The following PVALEF variants were observed in gnomAD, a reference collection of about 807,000 sequenced individuals.
The protein encoded by PVALEF is parvalbumin like EF-hand containing, also known as parvalbumin-like EF-hand-containing protein.
PVALEF carries 2 observed loss-of-function variants against 1.2 expected under a neutral mutation model. The observed-to-expected ratio is 1.68, with a 90% confidence interval of 0.69 to 5.28. The LOEUF (loss-of-function observed/expected upper bound fraction) is 5.28, where lower values mean the gene tolerates loss of function less well. PVALEF is among the 30% of genes most tolerant of loss of function. The pLI, the probability that PVALEF is intolerant of heterozygous loss-of-function variation, is 0.06. For missense variants in PVALEF, 35 were observed against 17.7 expected, an observed-to-expected ratio of 1.97 and a Z score of -1.75; for synonymous variants, 16 against 6.5, an observed-to-expected ratio of 2.47 and a Z score of -2.24.
intron 1 of PVALEF, 59 bp from the exon 2 acceptor site, chr17:81,166,618 A>G: frequency 2.3e-6 from 1 of 443,572 alleles, no homozygotes; most frequent in East Asian, 7.1e-5. Context: ...CAGGTGGGGG[A>G]ACCCGGGAGC....
At chr17:81,175,816 T>C (rs1224444573) in intron 2 of PVALEF, among the ~76,000 whole-genome samples, 2 of 152,108 alleles carry the variant, frequency 1.3e-5, no homozygotes, top group African/African-American at 2.4e-5. Context: ...ATGTAAAACA[T>C]GAAACTCTTA....
chr17:81,181,467 AC>A (rs2061553950), intron 4 of PVALEF, 91 bp from the exon 5 acceptor site: 1 of 502,872 alleles, frequency 2.0e-6, no homozygotes, highest in Non-Finnish European at 3.5e-6. Flanking sequence ...GGGGTGCAGG[AC>A]CCGGCAGCCC....
At chr17:81,178,452 GCCCTCC>G (rs1417569943) in intron 2 of PVALEF, among the ~76,000 whole-genome samples, 1 of 152,174 alleles carries the variant, frequency 6.6e-6, no homozygotes, top group East Asian at 1.9e-4. Flanking sequence ...GATCACCTTG[GCCCTCC>G]CTGCTCACCA....
At chr17:81,182,130 A>C (rs1200901026) in intron 6 of PVALEF, 49 bp downstream of exon 6, 1 of 398,492 alleles carries the variant, frequency 2.5e-6, no homozygotes, top group Non-Finnish European at 4.4e-6. Context: ...TTCCCCTGCT[A>C]GGCCGCCACC....
At chr17:81,168,678 A>G (rs2061507741) in intron 2 of PVALEF, among the ~76,000 whole-genome samples, 1 of 152,192 alleles carries the variant, frequency 6.6e-6, no homozygotes, top group South Asian at 2.1e-4. Context: ...CGAGGAGCCC[A>G]GATTGGCTGG....
chr17:81,166,320 G>T, intron 1 of PVALEF, among the ~76,000 whole-genome samples: 1 of 89,802 alleles, frequency 1.1e-5, no homozygotes, highest in Non-Finnish European at 2.4e-5. Flanking sequence ...GGGACACGGA[G>T]GGGGAGACAG....
intron 1 of PVALEF, chr17:81,166,015 C>T (rs2061486658): frequency 6.5e-6 from 10 of 1,542,022 alleles, no homozygotes; most frequent in Non-Finnish European, 8.7e-6. Context: ...GGCCGGCGGG[C>T]ATCCCGGGAG....
At chr17:81,173,902 C>G (rs116964933) in intron 2 of PVALEF, among the ~76,000 whole-genome samples, 271 of 152,228 alleles carry the variant, frequency 1.8e-3, no homozygotes, top group Middle Eastern at 3.4e-3. Context: ...AAATCCTCAG[C>G]CAAATGCTGG....
At chr17:81,174,130 G>C (rs2061529191) in intron 2 of PVALEF, among the ~76,000 whole-genome samples, 1 of 152,076 alleles carries the variant, frequency 6.6e-6, no homozygotes, top group African/African-American at 2.4e-5. Context: ...TGAACAGAAG[G>C]AAACTACCTC....
chr17:81,181,211 T>G lies in PVALEF; in HGVS notation c.-16T>G, dbSNP rs748822636. 1.4e-6 allele frequency: 1 copy of G among 703,040 alleles called. No homozygotes were observed. Among genetic ancestry groups the G allele is most frequent in the South Asian group, 1.5e-5 (1 of 67,448 alleles). 43.6% of individuals were successfully genotyped at this position (703,040 alleles called of 1,614,324 possible). Reference sequence around the variant, plus strand: ...GTGCACCCCACGAATTGACTCCCTATCCACCCAGGACCAGGATGGAGGAGG... The same window carrying G: ...GTGCACCCCACGAATTGACTCCCTAGCCACCCAGGACCAGGATGGAGGAGG... On this transcript the variant is annotated 5_prime_UTR_variant, in exon 4 of 7. Transcript: ENST00000637878.
At position 81,165,757 on chromosome 17, in the gene PVALEF, G is replaced by A; in HGVS notation, c.-508+10G>A. On this transcript the variant is annotated intron_variant, in intron 1 of 6. Transcript: ENST00000637878. ...CCACAGGCGGAGGCCGGTTTGTGCT[G>A]GGGCCCAGGGCCTGCCCCTCCGAGA... The A allele has an allele frequency of 1.3e-6, 2 of 1,522,434 alleles. No homozygotes were observed. Among genetic ancestry groups the A allele is most frequent in the Non-Finnish European group, 8.8e-7 (1 of 1,133,982 alleles). 94.3% of individuals were successfully genotyped at this position (1,522,434 alleles called of 1,614,324 possible).
chr17:81,175,552 A>C (rs2061533695), intron 2 of PVALEF, among the ~76,000 whole-genome samples: 1 of 152,238 alleles, frequency 6.6e-6, no homozygotes, highest in South Asian at 2.1e-4. Context: ...AAAGCTACAG[A>C]AATCAAAATG....
At position 81,169,403 on chromosome 17, in the gene PVALEF, G is replaced by T. The variant is rs143867118; in HGVS notation, c.-340+2559G>T. ...CCGCGAGGTCAGGAGTTCGAGACCAGCCTGGCCAACATGGTGAAGCCCCGT... is the reference window on the plus strand; with the variant it reads ...CCGCGAGGTCAGGAGTTCGAGACCATCCTGGCCAACATGGTGAAGCCCCGT... On this transcript the variant is annotated intron_variant, in intron 2 of 6. Transcript: ENST00000637878. Among the ~76,000 whole-genome samples, 174 of 152,050 alleles carry T rather than the reference G, an allele frequency of 1.1e-3. 2 individuals carry two copies. The East Asian group carries it at 0.026, about 22-fold the overall frequency.
At chr17:81,165,885 C>A in intron 1 of PVALEF, 138 bp downstream of exon 1, 1 of 1,550,320 alleles carries the variant, frequency 6.5e-7, no homozygotes, top group African/African-American at 1.4e-5. Context: ...AGGGGCATCA[C>A]GTCCGCAGCG....
chr17:81,173,854 A>C (rs1306088903), intron 2 of PVALEF, among the ~76,000 whole-genome samples: 2 of 152,230 alleles, frequency 1.3e-5, no homozygotes, highest in East Asian at 3.8e-4. Context: ...CAAGGAAAGA[A>C]AAGTACAGGC....
At chr17:81,168,959 T>A (rs2061508673) in intron 2 of PVALEF, among the ~76,000 whole-genome samples, 1 of 152,220 alleles carries the variant, frequency 6.6e-6, no homozygotes, top group African/African-American at 2.4e-5. Context: ...GGACCAAAGC[T>A]CTGACCACAC....
chr17:81,168,258 G>C (rs911339000), intron 2 of PVALEF, among the ~76,000 whole-genome samples: 1 of 152,232 alleles, frequency 6.6e-6, no homozygotes, highest in African/African-American at 2.4e-5. Flanking sequence ...GCTGTGACCA[G>C]GGGCTGGCTC....
At chr17:81,166,980 G>C in intron 2 of PVALEF, 136 bp downstream of exon 2, 3 of 308,762 alleles carry the variant, frequency 9.7e-6, no homozygotes, top group South Asian at 7.2e-5. Context: ...GCCTGCCCCC[G>C]TGGGAGTCGG....
Position 81,181,213 on chromosome 17 carries a change from C to T in PVALEF, c.-14C>T, listed in dbSNP as rs1374351252. The T allele has an allele frequency of 2.8e-6, 2 of 703,050 alleles. No individual in the cohort carries two copies. The allele number at this position is 703,050 out of a possible 1,614,324, so 43.6% of individuals were successfully genotyped here. On this transcript the variant is annotated 5_prime_UTR_variant, in exon 4 of 7. Transcript: ENST00000637878. ...GCACCCCACGAATTGACTCCCTATC[C>T]ACCCAGGACCAGGATGGAGGAGGAC...
Sources: allele counts gnomAD v4.1 joint callset (sites outside exome capture counted in the v4.1 genomes callset), GRCh38; gene constraint gnomAD v4.1.1; transcripts MANE v1.5; gene names NCBI Gene and HGNC (gene_info 2026-07-23, HGNC 2026-07-21).